The following ENTREP2 variants were observed in gnomAD, a reference collection of about 807,000 sequenced individuals.
ENTREP2 encodes the protein endosomal transmembrane epsin interactor 2.
chr15:29,567,514 G>A, the ENTREP2 span, among the ~76,000 whole-genome samples: 76,189 of 151,906 alleles, frequency 0.5, 21,802 homozygotes, highest in Non-Finnish European at 0.66. Context: ...AGTGACCTTG[G>A]GTAAGTCACT....
chr15:29,276,183 G>A, the ENTREP2 span, among the ~76,000 whole-genome samples: 1 of 152,216 alleles, frequency 6.6e-6, no homozygotes, highest in African/African-American at 2.4e-5. Flanking sequence ...GGTGAGCCTT[G>A]ACAAGATAGT....
At chr15:29,402,372 G>A in the ENTREP2 span, among the ~76,000 whole-genome samples, 1 of 151,752 alleles carries the variant, frequency 6.6e-6, no homozygotes, top group South Asian at 2.1e-4. Flanking sequence ...CTAGAATGCA[G>A]TGGCATGATC....
chr15:29,400,093 C>T, the ENTREP2 span, among the ~76,000 whole-genome samples: 2 of 152,134 alleles, frequency 1.3e-5, no homozygotes, highest in African/African-American at 2.4e-5. Flanking sequence ...ATACTTTATC[C>T]TGACAACCCT....
At chr15:29,359,307 C>T in the ENTREP2 span, among the ~76,000 whole-genome samples, 1 of 152,148 alleles carries the variant, frequency 6.6e-6, no homozygotes, top group African/African-American at 2.4e-5. Flanking sequence ...TCAGGAAAAC[C>T]ATAACTGTAA....
chr15:29,562,941 C>T, the ENTREP2 span, among the ~76,000 whole-genome samples: 26 of 152,184 alleles, frequency 1.7e-4, no homozygotes, highest in African/African-American at 6.0e-4. Context: ...CAGCTGTGTG[C>T]CACCATGCCC....
At chr15:29,541,804 C>G in the ENTREP2 span, among the ~76,000 whole-genome samples, 1 of 152,182 alleles carries the variant, frequency 6.6e-6, no homozygotes, top group Non-Finnish European at 1.5e-5. Context: ...AGAGCCAGGA[C>G]AGCGAGGTCG....
At chr15:29,158,385 T>C in the ENTREP2 span, among the ~76,000 whole-genome samples, 1 of 149,568 alleles carries the variant, frequency 6.7e-6, no homozygotes, top group African/African-American at 2.5e-5. Context: ...CTTTTTTGGC[T>C]TAAATGACAT....
the ENTREP2 span, among the ~76,000 whole-genome samples, chr15:29,508,063 G>A: frequency 2.0e-5 from 3 of 152,090 alleles, no homozygotes; most frequent in Non-Finnish European, 4.4e-5. Context: ...ATGATAAAGG[G>A]GAGATTACCA....
the ENTREP2 span, among the ~76,000 whole-genome samples, chr15:29,129,359 C>G: frequency 6.6e-6 from 1 of 152,244 alleles, no homozygotes; most frequent in Non-Finnish European, 1.5e-5. Flanking sequence ...AGCCACCGCC[C>G]CTGGCCGAAA....
At chr15:29,327,266 C>G in the ENTREP2 span, among the ~76,000 whole-genome samples, 2 of 151,996 alleles carry the variant, frequency 1.3e-5, no homozygotes, top group Non-Finnish European at 2.9e-5. Context: ...AAAAGTAAAA[C>G]TCAACAATAA....
At chr15:29,404,534 C>A in the ENTREP2 span, among the ~76,000 whole-genome samples, 1 of 151,980 alleles carries the variant, frequency 6.6e-6, no homozygotes, top group Non-Finnish European at 1.5e-5. Flanking sequence ...AAGGAACACC[C>A]TCCTGCCTTG....
chr15:29,566,077 G>T, the ENTREP2 span, among the ~76,000 whole-genome samples: 6 of 152,178 alleles, frequency 3.9e-5, no homozygotes, highest in Non-Finnish European at 8.8e-5. Flanking sequence ...TGGTAATGTT[G>T]GTGGTCTATG....
chr15:29,248,977 A>G, the ENTREP2 span, among the ~76,000 whole-genome samples: 6 of 152,246 alleles, frequency 3.9e-5, no homozygotes, highest in Non-Finnish European at 8.8e-5. Flanking sequence ...AAACAATGTT[A>G]CATTCATACA....
At chr15:29,444,955 G>C in the ENTREP2 span, among the ~76,000 whole-genome samples, 4 of 152,330 alleles carry the variant, frequency 2.6e-5, no homozygotes, top group East Asian at 1.9e-4. Context: ...GGATGTATCA[G>C]ACTGTGGACA....
the ENTREP2 span, among the ~76,000 whole-genome samples, chr15:29,285,796 G>A: frequency 2.7e-5 from 4 of 150,466 alleles, no homozygotes; most frequent in East Asian, 1.9e-4. Context: ...ATGAATATAC[G>A]ATAAAAAAAT....
chr15:29,135,443 C>T, the ENTREP2 span, among the ~76,000 whole-genome samples: 2 of 152,222 alleles, frequency 1.3e-5, no homozygotes, highest in East Asian at 3.9e-4. This position sits in a 1 kb window ranked among gnomAD's most constrained non-coding sequence, Gnocchi z 7.4. Context: ...AGATCCCTTG[C>T]ACTATGGGCC....
At chr15:29,219,799 G>A in the ENTREP2 span, among the ~76,000 whole-genome samples, 4 of 151,474 alleles carry the variant, frequency 2.6e-5, no homozygotes, top group African/African-American at 9.7e-5. Flanking sequence ...TCACTAATAT[G>A]TGGGAGCTAA....
At chr15:29,576,562 C>T in the ENTREP2 span, among the ~76,000 whole-genome samples, 1 of 152,178 alleles carries the variant, frequency 6.6e-6, no homozygotes, top group East Asian at 1.9e-4. Context: ...GAAATATATG[C>T]AAAGCATTTA....
At chr15:29,620,585 G>A in the ENTREP2 span, among the ~76,000 whole-genome samples, 152,027 of 152,192 alleles carry the variant, frequency 1, 75,932 homozygotes, top group Middle Eastern at 1. Flanking sequence ...CTCCGATGAA[G>A]TATGATCACA....
Sources: gnomAD v4.1 joint callset for allele counts (sites outside exome capture counted in the v4.1 genomes callset) on GRCh38, gnomAD v4.1.1 for gene constraint, Gnocchi (gnomAD v3.1) non-coding constraint, MANE v1.5 for transcripts, NCBI Gene and HGNC (gene_info 2026-07-23, HGNC 2026-07-21) for gene names.